Variants in MGMT observed in about 807,000 individuals in gnomAD.
MGMT encodes O-6-methylguanine-DNA methyltransferase.
Under a neutral mutation model 15.9 loss-of-function variants are expected in MGMT, and 14 were observed. The observed-to-expected ratio is 0.88, with a 90% CI of 0.58 to 1.37. The LOEUF (loss-of-function observed/expected upper bound fraction) is 1.37, where lower values mean the gene tolerates loss of function less well. MGMT is among the 40% of genes most tolerant of loss of function. MGMT has a pLI of 0.00. For missense variants in MGMT, 282 were observed against 268.1 expected, an observed-to-expected ratio of 1.05 and a Z score of -0.36; for synonymous variants, 130 against 118.2, an observed-to-expected ratio of 1.10 and a Z score of -0.65.
intron 2 of MGMT, among the ~76,000 whole-genome samples, chr10:129,595,395 C>T (rs1846739601): frequency 6.6e-6 from 1 of 152,196 alleles, no homozygotes; most frequent in Admixed American, 6.5e-5. Context: ...TTTGTTCATG[C>T]CCGTGACACA....
chr10:129,702,129 A>G (rs1387014559), intron 2 of MGMT: 2 of 152,184 alleles, frequency 1.3e-5, no homozygotes, highest in Non-Finnish European at 2.9e-5. Context: ...CTCCGGGAGA[A>G]TATCACCGGG....
At chr10:129,642,214 C>T (rs774007030) in intron 2 of MGMT, among the ~76,000 whole-genome samples, 37 of 149,644 alleles carry the variant, frequency 2.5e-4, no homozygotes, top group Middle Eastern at 3.4e-3. Context: ...CGCACCTGGG[C>T]GGGCGGGCGG....
chr10:129,707,209 G>A (rs1482565471), intron 2 of MGMT, among the ~76,000 whole-genome samples: 1 of 152,064 alleles, frequency 6.6e-6, no homozygotes, highest in Non-Finnish European at 1.5e-5. Flanking sequence ...CCCGGGATAT[G>A]GAGGTTGCAG....
At chr10:129,690,892 C>T (rs1296453950) in intron 2 of MGMT, among the ~76,000 whole-genome samples, 3 of 152,086 alleles carry the variant, frequency 2.0e-5, no homozygotes, top group African/African-American at 7.2e-5. Context: ...GTGGTGATGA[C>T]TCGGGGAGGC....
At chr10:129,620,521 C>T (rs58081741) in intron 2 of MGMT, among the ~76,000 whole-genome samples, 1 of 152,146 alleles carries the variant, frequency 6.6e-6, no homozygotes, top group Non-Finnish European at 1.5e-5. Context: ...CTAGTAGGTG[C>T]CTAATCACAT....
At chr10:129,657,701 A>ACACACACACACACACACG (rs1378270970) in intron 2 of MGMT, among the ~76,000 whole-genome samples, 1 of 131,110 alleles carries the variant, frequency 7.6e-6, no homozygotes, top group African/African-American at 3.2e-5. Flanking sequence ...ACACACACAC[A>ACACACACACACACACACG]CACACGCACA....
chr10:129,513,096 C>T (rs1376404657), intron 1 of MGMT, among the ~76,000 whole-genome samples: 1 of 152,190 alleles, frequency 6.6e-6, no homozygotes, highest in Admixed American at 6.5e-5. Flanking sequence ...CTGGCACATG[C>T]TGCAACATGG....
intron 2 of MGMT, among the ~76,000 whole-genome samples, chr10:129,673,743 G>T (rs959635342): frequency 1.3e-5 from 2 of 152,174 alleles, no homozygotes; most frequent in African/African-American, 4.8e-5. Context: ...TTAATGGGAT[G>T]TATGTATTTT....
intron 1 of MGMT, among the ~76,000 whole-genome samples, chr10:129,521,566 G>T (rs1845811023): frequency 6.6e-6 from 1 of 152,220 alleles, no homozygotes; most frequent in Admixed American, 6.5e-5. Flanking sequence ...AAGAGCAGCT[G>T]CTGAGAGACC....
intron 3 of MGMT, among the ~76,000 whole-genome samples, chr10:129,743,300 C>G (rs1175966787): frequency 6.6e-6 from 1 of 152,226 alleles, no homozygotes; most frequent in Non-Finnish European, 1.5e-5. Flanking sequence ...TGCAGCATAT[C>G]TCATAGCTTG....
intron 3 of MGMT, among the ~76,000 whole-genome samples, chr10:129,754,218 T>TTCC: frequency 6.6e-6 from 1 of 152,296 alleles, no homozygotes; most frequent in South Asian, 2.1e-4. Flanking sequence ...TGAACTCCTT[T>TTCC]TCCTCCACAA....
At chr10:129,496,584 A>G (rs1845524206) in intron 1 of MGMT, among the ~76,000 whole-genome samples, 1 of 152,060 alleles carries the variant, frequency 6.6e-6, no homozygotes, top group Admixed American at 6.6e-5. Flanking sequence ...CCCGGAACCC[A>G]CTCAGGGTGG....
intron 2 of MGMT, among the ~76,000 whole-genome samples, chr10:129,655,464 C>G (rs568557763): frequency 2.6e-5 from 4 of 152,322 alleles, no homozygotes; most frequent in African/African-American, 9.6e-5. Context: ...GGCCTCATCC[C>G]GGAAGCTGGT....
chr10:129,604,893 A>C (rs2133064128), intron 2 of MGMT, among the ~76,000 whole-genome samples: 1 of 152,342 alleles, frequency 6.6e-6, no homozygotes, highest in South Asian at 2.1e-4. Context: ...CAATAAAGAT[A>C]GCAGAGGGGT....
At chr10:129,518,348 A>ACG (rs1473352783) in intron 1 of MGMT, among the ~76,000 whole-genome samples, 2 of 149,120 alleles carry the variant, frequency 1.3e-5, no homozygotes, top group African/African-American at 5.0e-5. Context: ...ACACACACAC[A>ACG]CACACACACA....
In MGMT at chr10:129,720,952, A is replaced by G. The variant is rs1035244859; in HGVS notation, c.274+12909A>G. ...TTTAAATGTCAGGGGGAAAAAAAAAAAAGCAAGAAAAATATGTAAATAAAT... is the reference window on the plus strand; with the variant it reads ...TTTAAATGTCAGGGGGAAAAAAAAAGAAGCAAGAAAAATATGTAAATAAAT... On this transcript the variant is annotated intron_variant, in intron 3 of 4. Transcript: ENST00000651593. 1.2e-3 allele frequency among the ~76,000 whole-genome samples: 182 copies of G among 151,964 alleles called. 2 individuals carry two copies. Among genetic ancestry groups the G allele is most frequent in the Non-Finnish European group, 4.6e-4 (31 of 67,784 alleles).
chr10:129,575,288 A>G (rs919459136), intron 2 of MGMT, among the ~76,000 whole-genome samples: 1 of 152,224 alleles, frequency 6.6e-6, no homozygotes, highest in Non-Finnish European at 1.5e-5. Context: ...TTGGAAGTAA[A>G]GCACTCCTCA....
At chr10:129,718,140 C>A (rs1250689278) in intron 3 of MGMT, among the ~76,000 whole-genome samples, 1 of 152,180 alleles carries the variant, frequency 6.6e-6, no homozygotes, top group Admixed American at 6.5e-5. Flanking sequence ...GTTTTAAGGC[C>A]AGGACTTCTA....
intron 3 of MGMT, among the ~76,000 whole-genome samples, chr10:129,739,917 G>C (rs74160278): frequency 0.013 from 1,914 of 152,334 alleles, 41 homozygotes; most frequent in African/African-American, 0.044. Context: ...ATCCAGGTCA[G>C]AGGCCCTACA....
Sources: gnomAD v4.1 joint callset for allele counts (sites outside exome capture counted in the v4.1 genomes callset) on GRCh38, gnomAD v4.1.1 for gene constraint, MANE v1.5 for transcripts, NCBI Gene and HGNC (gene_info 2026-07-23, HGNC 2026-07-21) for gene names.